IL1RAPL1: variants seen among roughly 807,000 people sequenced by gnomAD.
IL1RAPL1 encodes interleukin-1 receptor accessory protein-like 1.
A neutral mutation model predicts 48.4 loss-of-function variants in IL1RAPL1; 3 were observed. The ratio of observed to expected loss-of-function variants is 0.06; its 90% confidence interval spans 0.03 to 0.16. The LOEUF is 0.16. IL1RAPL1 is among the 10% of genes least tolerant of loss of function. The probability of loss-of-function intolerance (pLI) is 1.00; values close to 1 mark genes in which losing one functional copy is unlikely to be tolerated. For synonymous variants in IL1RAPL1, 185 were observed against 187.7 expected, an observed-to-expected ratio of 0.99 and a Z score of 0.12; for missense variants, 349 against 530.6, an observed-to-expected ratio of 0.66 and a Z score of 3.36.
At chrX:29,748,344 G>A (rs770739925) in intron 6 of IL1RAPL1, among the ~76,000 whole-genome samples, 3 of 112,486 alleles carry the variant, frequency 2.7e-5, no homozygotes, top group Non-Finnish European at 5.6e-5. Flanking sequence ...AAGGCTGGAT[G>A]TGAACATATT....
chrX:29,343,956 C>T (rs547920839), intron 3 of IL1RAPL1, among the ~76,000 whole-genome samples: 1 of 111,561 alleles, frequency 9.0e-6, no homozygotes, highest in Non-Finnish European at 1.9e-5. Flanking sequence ...TAGGACATAT[C>T]GAAAGTAGAT....
chrX:29,335,118 AAAAC>A (rs1285317263), intron 3 of IL1RAPL1, among the ~76,000 whole-genome samples: 1 of 111,872 alleles, frequency 8.9e-6, no homozygotes, highest in Non-Finnish European at 1.9e-5. Flanking sequence ...CACCAAAAAA[AAAAC>A]GAAAACCAGT....
chrX:28,667,012 A>G (rs1021680635), intron 1 of IL1RAPL1, among the ~76,000 whole-genome samples: 2 of 111,698 alleles, frequency 1.8e-5, no homozygotes, highest in African/African-American at 6.5e-5. Flanking sequence ...GGAGATATTT[A>G]TTACTTCTAA....
At chrX:29,032,407 A>G (rs1481318364) in intron 2 of IL1RAPL1, among the ~76,000 whole-genome samples, 2 of 112,015 alleles carry the variant, frequency 1.8e-5, no homozygotes, top group African/African-American at 6.5e-5. Flanking sequence ...GATGGAACAT[A>G]CAGATCTGTA....
chrX:29,631,981 C>T (rs902306656), intron 5 of IL1RAPL1, among the ~76,000 whole-genome samples: 1 of 111,211 alleles, frequency 9.0e-6, no homozygotes, highest in Admixed American at 9.6e-5. Flanking sequence ...GGCAACTGAA[C>T]TTCTAGGTGT....
intron 6 of IL1RAPL1, among the ~76,000 whole-genome samples, chrX:29,862,759 C>G (rs1931614592): frequency 9.1e-6 from 1 of 109,942 alleles, no homozygotes; most frequent in Admixed American, 9.8e-5. Context: ...CAATATCTAT[C>G]GGTAGACATT....
intron 2 of IL1RAPL1, among the ~76,000 whole-genome samples, chrX:29,012,350 C>G (rs1353682606): frequency 1.8e-5 from 2 of 111,398 alleles, no homozygotes; most frequent in African/African-American, 6.5e-5. Flanking sequence ...CAAGACCAGC[C>G]TGGCCAACAT....
At chrX:28,706,561 C>T (rs745751237) in intron 1 of IL1RAPL1, among the ~76,000 whole-genome samples, 7 of 110,717 alleles carry the variant, frequency 6.3e-5, no homozygotes, top group African/African-American at 9.9e-5. Context: ...TACAGGCACA[C>T]GCCACCATGC....
chrX:29,473,625 C>A (rs1934944308), intron 5 of IL1RAPL1, among the ~76,000 whole-genome samples: 1 of 90,473 alleles, frequency 1.1e-5, no homozygotes, highest in South Asian at 8.1e-4. Context: ...AGAACACAGG[C>A]CATTTTGCAT....
chrX:29,057,975 C>T lies in IL1RAPL1; in HGVS notation c.83-224963C>T, dbSNP rs781573447. 7.7e-4 allele frequency among the ~76,000 whole-genome samples: 86 copies of T among 111,933 alleles called. 1 individual carries two copies. The highest frequency in any genetic ancestry group is 9.5e-4 in the Admixed American group (10 of 10,524). On this transcript the variant is annotated intron_variant, in intron 2 of 10. Coordinates refer to ENST00000378993, the MANE Select transcript of IL1RAPL1 (RefSeq NM_014271.4). Reference sequence around the variant, plus strand: ...GAATTATATGTTAAATATTCAGATACGTTATGTAAATGACGACCAGGACTT... The same window carrying T: ...GAATTATATGTTAAATATTCAGATATGTTATGTAAATGACGACCAGGACTT...
At chrX:29,144,168 G>T (rs1352147563) in intron 2 of IL1RAPL1, among the ~76,000 whole-genome samples, 2 of 111,340 alleles carry the variant, frequency 1.8e-5, no homozygotes, top group South Asian at 7.6e-4. Context: ...GGCAACAAGG[G>T]CTATATACCT....
intron 6 of IL1RAPL1, among the ~76,000 whole-genome samples, chrX:29,737,542 TAAAGA>T (rs1928081166): frequency 8.9e-6 from 1 of 111,863 alleles, no homozygotes. Flanking sequence ...ACATATTAGA[TAAAGA>T]AAAGAAAATA....
chrX:29,693,334 C>T (rs1432603483), intron 6 of IL1RAPL1, among the ~76,000 whole-genome samples: 1 of 112,388 alleles, frequency 8.9e-6, no homozygotes, highest in Non-Finnish European at 1.9e-5. Flanking sequence ...TGTGTTACTA[C>T]TTATTCATTA....
chrX:29,174,877 A>G (rs975566650), intron 2 of IL1RAPL1, among the ~76,000 whole-genome samples: 3 of 110,873 alleles, frequency 2.7e-5, no homozygotes, highest in Non-Finnish European at 5.7e-5. Flanking sequence ...GATCGACACC[A>G]TACTGGCTAA....
intron 5 of IL1RAPL1, among the ~76,000 whole-genome samples, chrX:29,414,383 A>G (rs1380848622): frequency 2.7e-5 from 3 of 112,229 alleles, no homozygotes; most frequent in Non-Finnish European, 5.6e-5. Context: ...AAAAAGATTC[A>G]TTTGAAAATA....
At chrX:28,971,792 A>C (rs746833074) in intron 2 of IL1RAPL1, among the ~76,000 whole-genome samples, 1 of 109,745 alleles carries the variant, frequency 9.1e-6, no homozygotes, top group South Asian at 4.0e-4. Flanking sequence ...ATTTAAGTGG[A>C]CCCATCTGTA....
At chrX:29,142,882 G>A (rs915749810) in intron 2 of IL1RAPL1, among the ~76,000 whole-genome samples, 5 of 109,852 alleles carry the variant, frequency 4.6e-5, no homozygotes, top group African/African-American at 1.7e-4. Context: ...TGTATTTTTA[G>A]TAGAGACAGG....
chrX:28,873,406 C>T (rs1293669701), intron 2 of IL1RAPL1, among the ~76,000 whole-genome samples: 6 of 106,191 alleles, frequency 5.7e-5, no homozygotes, highest in South Asian at 8.6e-4. Flanking sequence ...CCACCGAGCC[C>T]GGCCTCTGAG....
chrX:29,211,288 C>G (rs1210759852), intron 2 of IL1RAPL1, among the ~76,000 whole-genome samples: 1 of 112,115 alleles, frequency 8.9e-6, no homozygotes, highest in Non-Finnish European at 1.9e-5. Context: ...GTGAGCATCT[C>G]ATTCCCAATT....
Sources: gnomAD v4.1 joint callset for allele counts (sites outside exome capture counted in the v4.1 genomes callset) on GRCh38, gnomAD v4.1.1 for gene constraint, MANE v1.5 for transcripts, NCBI Gene and HGNC (gene_info 2026-07-23, HGNC 2026-07-21) for gene names.